The following EXOC4 variants were observed in gnomAD, a reference collection of about 807,000 sequenced individuals.
EXOC4 encodes exocyst complex component 4, also known as SEC8-like 1.
Under a neutral mutation model 107.2 loss-of-function variants are expected in EXOC4, and 71 were observed. The observed-to-expected ratio is 0.66, with a 90% CI of 0.55 to 0.81. The LOEUF is 0.81. EXOC4 is among the 30% of genes least tolerant of loss of function. EXOC4 has a pLI of 0.00. For missense variants in EXOC4, 1,108 were observed against 1,189.6 expected (o/e 0.93, Z 1.01); for synonymous variants, 456 against 441.2 (o/e 1.03, Z -0.42).
Position 133,837,351 on chromosome 7 carries a change from C to T in EXOC4, c.1734+19807C>T, listed in dbSNP as rs184063938. Among the ~76,000 whole-genome samples the T allele has an allele frequency of 2.4e-3, 366 of 152,302 alleles. 5 individuals are homozygous for T. The highest frequency in any genetic ancestry group is 8.2e-3 in the African/African-American group (342 of 41,568). ...CTAAGCAGAGGGTATTGGACCTCTT[C>T]TGCATTTTCTCCTAGCTCTAACATT... On this transcript the variant is annotated intron_variant, in intron 11 of 17. Transcript: ENST00000253861.
At chr7:133,924,734 A>G (rs1338654793) in intron 13 of EXOC4, among the ~76,000 whole-genome samples, 1 of 152,226 alleles carries the variant, frequency 6.6e-6, no homozygotes. Flanking sequence ...AGTAACCACT[A>G]TTCTCACTTT....
intron 10 of EXOC4, among the ~76,000 whole-genome samples, chr7:133,698,305 T>TA (rs1213231184): frequency 6.6e-6 from 1 of 151,988 alleles, no homozygotes; most frequent in Non-Finnish European, 1.5e-5. Flanking sequence ...CTGTTATTCT[T>TA]AAAGAACATG....
chr7:133,766,469 T>A (rs1313841601), intron 10 of EXOC4, among the ~76,000 whole-genome samples: 1 of 152,010 alleles, frequency 6.6e-6, no homozygotes, highest in African/African-American at 2.4e-5. Context: ...AGAATGGTAG[T>A]TGAAAAATCT....
chr7:134,043,793 G>A (rs1336577847), intron 17 of EXOC4, among the ~76,000 whole-genome samples: 1 of 152,182 alleles, frequency 6.6e-6, no homozygotes, highest in African/African-American at 2.4e-5. Context: ...TTGTTGAGAA[G>A]GAAGTGTAAA....
At chr7:133,803,187 CG>C (rs1796988951) in intron 10 of EXOC4, among the ~76,000 whole-genome samples, 1 of 152,060 alleles carries the variant, frequency 6.6e-6, no homozygotes, top group Admixed American at 6.6e-5. Flanking sequence ...GAAATTTTTT[CG>C]CAAGTTTTAT....
chr7:133,750,629 G>A (rs905357673), intron 10 of EXOC4, among the ~76,000 whole-genome samples: 1 of 150,406 alleles, frequency 6.6e-6, no homozygotes, highest in Non-Finnish European at 1.5e-5. Context: ...CTCCCAGGCT[G>A]GAGCACAGTG....
chr7:133,427,782 G>A (rs1797761414), intron 7 of EXOC4, among the ~76,000 whole-genome samples: 1 of 152,214 alleles, frequency 6.6e-6, no homozygotes, highest in East Asian at 1.9e-4. Context: ...CAGTGGGTAA[G>A]GGGGTGGTAC....
intron 12 of EXOC4, among the ~76,000 whole-genome samples, chr7:133,911,836 G>C (rs1301641879): frequency 2.6e-5 from 4 of 152,100 alleles, no homozygotes; most frequent in African/African-American, 9.7e-5. Context: ...TCACTCTGTG[G>C]AACAGAATTT....
At chr7:133,729,341 A>G (rs1173821686) in intron 10 of EXOC4, among the ~76,000 whole-genome samples, 1 of 152,124 alleles carries the variant, frequency 6.6e-6, no homozygotes, top group Admixed American at 6.5e-5. Context: ...CAGTAATTGC[A>G]CTAGTCTATT....
intron 12 of EXOC4, among the ~76,000 whole-genome samples, chr7:133,896,242 A>G (rs1019341020): frequency 6.6e-6 from 1 of 152,340 alleles, no homozygotes; most frequent in East Asian, 1.9e-4. Flanking sequence ...CTTGAAAACC[A>G]TTAGTTATCC....
intron 10 of EXOC4, among the ~76,000 whole-genome samples, chr7:133,815,330 G>A (rs1797341423): frequency 6.9e-6 from 1 of 145,970 alleles, no homozygotes; most frequent in Non-Finnish European, 1.5e-5. Flanking sequence ...AGCCGAGATC[G>A]TACCACTGTA....
At chr7:133,849,534 C>T (rs1471155335) in intron 11 of EXOC4, among the ~76,000 whole-genome samples, 3 of 152,136 alleles carry the variant, frequency 2.0e-5, no homozygotes, top group East Asian at 3.9e-4. Context: ...TTTAATTGTA[C>T]GTTTACATAG....
chr7:133,480,118 G>A lies in EXOC4; in HGVS notation c.1397G>A (p.Ser466Asn). 6.2e-7 allele frequency: 1 copy of A among 1,614,032 alleles called. No individual in the cohort carries two copies. Among genetic ancestry groups the A allele is most frequent in the African/African-American group, 1.3e-5 (1 of 75,058 alleles). The change falls in exon 9 of 18, where the codon AGT becomes AAT. Residue 466 changes from serine (S) to asparagine (N), a missense_variant. By Grantham distance (46) the Ser-to-Asn change is conservative. Coordinates refer to ENST00000253861, the MANE Select transcript of EXOC4 (RefSeq NM_021807.4). Reference protein sequence around the residue: ...YLREQRRELYSRSGELQGGPD... With the variant: ...YLREQRRELYNRSGELQGGPD... ...CGAGAACAGAGAAGGGAGCTCTATA[G>A]TCGGAGTGGAGAACTGCAAGGTGAG...
chr7:134,013,216 A>G (rs1276692924), intron 17 of EXOC4, among the ~76,000 whole-genome samples: 1 of 152,240 alleles, frequency 6.6e-6, no homozygotes, highest in Non-Finnish European at 1.5e-5. Context: ...ATCAACATGC[A>G]TAAATCATGT....
intron 10 of EXOC4, among the ~76,000 whole-genome samples, chr7:133,707,796 A>G (rs995475599): frequency 2.0e-5 from 3 of 151,954 alleles, no homozygotes; most frequent in Non-Finnish European, 2.9e-5. Flanking sequence ...TTGTATTTTT[A>G]GTAGAGACGG....
chr7:133,799,396 G>A (rs561387611), intron 10 of EXOC4, among the ~76,000 whole-genome samples: 7 of 152,266 alleles, frequency 4.6e-5, no homozygotes, highest in Non-Finnish European at 5.9e-5. Flanking sequence ...CATTCTCATC[G>A]AGTGGAATGG....
In EXOC4 at chr7:133,736,941, T is replaced by C. The variant is rs146516386; in HGVS notation, c.1515-80384T>C. On this transcript the variant is annotated intron_variant, in intron 10 of 17. Transcript: ENST00000253861. ...AACCTATTGTCTTGCTGAAATTGTTTTTGTTTTTTCTTTCTAGCTCCTGTT... is the reference window on the plus strand; with the variant it reads ...AACCTATTGTCTTGCTGAAATTGTTCTTGTTTTTTCTTTCTAGCTCCTGTT... Among the ~76,000 whole-genome samples, 952 of 152,328 alleles carry C rather than the reference T, an allele frequency of 6.2e-3. 5 individuals carry two copies. Among genetic ancestry groups the C allele is most frequent in the Non-Finnish European group, 0.01 (700 of 68,032 alleles).
chr7:133,815,594 G>A (rs1797350153), intron 10 of EXOC4, among the ~76,000 whole-genome samples: 1 of 152,114 alleles, frequency 6.6e-6, no homozygotes, highest in South Asian at 2.1e-4. Context: ...TCTTTTCTGG[G>A]TGAACTATCA....
downstream of EXOC4, among the ~76,000 whole-genome samples, chr7:134,068,908 C>G (rs1056063534): frequency 1.3e-5 from 2 of 152,160 alleles, no homozygotes; most frequent in African/African-American, 4.8e-5. Context: ...AATAGAATTG[C>G]CTGTTACAGC....
Sources: gnomAD v4.1 joint callset for allele counts (sites outside exome capture counted in the v4.1 genomes callset) on GRCh38, gnomAD v4.1.1 for gene constraint, MANE v1.5 for transcripts, NCBI Gene and HGNC (gene_info 2026-07-23, HGNC 2026-07-21) for gene names.